Variants in SGCZ observed in about 807,000 individuals in gnomAD.
SGCZ encodes sarcoglycan zeta.
Under a neutral mutation model 41.3 loss-of-function variants are expected in SGCZ, and 40 were observed. The ratio of observed to expected loss-of-function variants is 0.97; its 90% CI spans 0.75 to 1.26. SGCZ has a LOEUF of 1.26. SGCZ is among the 50% of genes most tolerant of loss of function. The probability of loss-of-function intolerance (pLI) is 0.00; values close to 1 mark genes in which losing one functional copy is unlikely to be tolerated. For missense variants in SGCZ, 552 were observed against 369.8 expected (o/e 1.49, Z -4.04); for synonymous variants, 206 against 137.5 (o/e 1.50, Z -3.49).
At chr8:14,682,257 T>G (rs555548144) in intron 1 of SGCZ, among the ~76,000 whole-genome samples, 17 of 152,164 alleles carry the variant, frequency 1.1e-4, no homozygotes, top group African/African-American at 4.1e-4. Context: ...GGTTGTACTA[T>G]AGAAAATATT....
chr8:14,843,496 C>A (rs988875980), intron 1 of SGCZ, among the ~76,000 whole-genome samples: 1 of 152,090 alleles, frequency 6.6e-6, no homozygotes, highest in African/African-American at 2.4e-5. Flanking sequence ...GCCTGTTCAT[C>A]ATTGTCTATC....
intron 2 of SGCZ, among the ~76,000 whole-genome samples, chr8:14,471,357 C>T (rs936570078): frequency 1.3e-5 from 2 of 152,062 alleles, no homozygotes; most frequent in African/African-American, 4.8e-5. Context: ...AGAAATAGTA[C>T]TATTGTACTA....
chr8:15,081,809 T>C (rs542175052), intron 1 of SGCZ, among the ~76,000 whole-genome samples: 77 of 152,252 alleles, frequency 5.1e-4, no homozygotes, highest in African/African-American at 1.8e-3. Flanking sequence ...AGGTGTGCTA[T>C]GCAAGCTCAA....
At chr8:14,469,249 T>C (rs1217523633) in intron 2 of SGCZ, among the ~76,000 whole-genome samples, 2 of 152,146 alleles carry the variant, frequency 1.3e-5, no homozygotes, top group Non-Finnish European at 2.9e-5. Context: ...CTCAGCATCA[T>C]TGACATGTTG....
intron 5 of SGCZ, among the ~76,000 whole-genome samples, chr8:14,140,952 T>A (rs1371837374): frequency 1.3e-5 from 2 of 152,284 alleles, no homozygotes; most frequent in South Asian, 2.1e-4. Context: ...CAAAGCAGCA[T>A]GTTACTGGTA....
At chr8:14,810,636 C>T (rs995393144) in intron 1 of SGCZ, among the ~76,000 whole-genome samples, 9 of 152,000 alleles carry the variant, frequency 5.9e-5, no homozygotes, top group Non-Finnish European at 1.3e-4. Flanking sequence ...GGATATTGCA[C>T]TGGAGATGGC....
At position 14,706,683 on chromosome 8, in the gene SGCZ, G is replaced by A. The variant is rs11987672; in HGVS notation, c.40-151757C>T. 1.2e-3 allele frequency among the ~76,000 whole-genome samples: 190 copies of A among 152,226 alleles called. 4 individuals carry two copies. Among genetic ancestry groups the A allele is most frequent in the African/African-American group, 4.4e-3 (182 of 41,572 alleles). On this transcript the variant is annotated intron_variant, in intron 1 of 7. Coordinates refer to ENST00000382080, the MANE Select transcript of SGCZ (RefSeq NM_139167.4). ...CAGGTTGTAGCTAGCAATGGTAGAAGCAAACACACTGATGCGTTAAAATGA... is the reference window on the plus strand; with the variant it reads ...CAGGTTGTAGCTAGCAATGGTAGAAACAAACACACTGATGCGTTAAAATGA...
intron 1 of SGCZ, among the ~76,000 whole-genome samples, chr8:14,555,453 C>T (rs1804006402): frequency 6.6e-6 from 1 of 152,044 alleles, no homozygotes; most frequent in Non-Finnish European, 1.5e-5. Context: ...CTTGGACCTG[C>T]TCCTGCCATA....
chr8:14,445,561 C>T (rs1800407094), intron 2 of SGCZ, among the ~76,000 whole-genome samples: 1 of 152,142 alleles, frequency 6.6e-6, no homozygotes, highest in African/African-American at 2.4e-5. Context: ...CAGCTGCCCT[C>T]TCCACTGAAA....
At chr8:14,388,231 A>G (rs1211913415) in intron 2 of SGCZ, among the ~76,000 whole-genome samples, 5 of 152,122 alleles carry the variant, frequency 3.3e-5, no homozygotes, top group Admixed American at 3.3e-4. Context: ...TCCAAGGACA[A>G]AAAGAGATCA....
chr8:14,377,727 T>C (rs1191412622), intron 2 of SGCZ, among the ~76,000 whole-genome samples: 1 of 150,852 alleles, frequency 6.6e-6, no homozygotes, highest in African/African-American at 2.4e-5. Flanking sequence ...CCCTTTCCTA[T>C]GTCCATGTGA....
intron 1 of SGCZ, among the ~76,000 whole-genome samples, chr8:15,205,592 A>G (rs774652787): frequency 1.1e-4 from 17 of 152,206 alleles, no homozygotes; most frequent in Non-Finnish European, 1.9e-4. Context: ...ATTAATAAAA[A>G]GTCAAAAAAT....
chr8:14,415,684 A>G (rs970616270), intron 2 of SGCZ, among the ~76,000 whole-genome samples: 7 of 152,046 alleles, frequency 4.6e-5, no homozygotes, highest in African/African-American at 1.2e-4. Flanking sequence ...TTAAAGCTGT[A>G]TTTTGTTCGT....
intron 1 of SGCZ, among the ~76,000 whole-genome samples, chr8:15,206,181 T>C (rs578089900): frequency 1.3e-5 from 2 of 152,180 alleles, no homozygotes; most frequent in African/African-American, 4.8e-5. Flanking sequence ...GAACCTAAAA[T>C]AAAAGTTTAA....
chr8:15,022,048 C>T (rs1803271486), intron 1 of SGCZ, among the ~76,000 whole-genome samples: 1 of 152,152 alleles, frequency 6.6e-6, no homozygotes, highest in African/African-American at 2.4e-5. Context: ...TAAACTGGTC[C>T]TTCTGGTACT....
At chr8:14,932,029 T>C (rs2199910) in intron 1 of SGCZ, among the ~76,000 whole-genome samples, 40,541 of 151,772 alleles carry the variant, frequency 0.27, 5,843 homozygotes, top group East Asian at 0.43. Context: ...AAATATAAAG[T>C]ATGTCCATTT....
chr8:14,108,269 G>C lies in SGCZ; in HGVS notation c.548-34C>G. 5.7e-6 allele frequency: 9 copies of C among 1,590,480 alleles called. No homozygotes were observed. The South Asian group carries it at 8.9e-5, about 16-fold the overall frequency. On this transcript the variant is annotated intron_variant, in intron 5 of 7. Coordinates refer to ENST00000382080, the MANE Select transcript of SGCZ (RefSeq NM_139167.4). ...AGCATGAATATAGCAGTCAGTATAA[G>C]CAAGTCCACACAGTGGCTTTCATCT... is the stretch of plus-strand genomic sequence containing the variant.
chr8:14,544,659 G>A (rs1445995885), intron 2 of SGCZ, among the ~76,000 whole-genome samples: 2 of 152,050 alleles, frequency 1.3e-5, no homozygotes, highest in South Asian at 4.2e-4. Flanking sequence ...GAAACCTCAG[G>A]CTTACTAGGG....
At chr8:14,835,264 C>T (rs1468636388) in intron 1 of SGCZ, among the ~76,000 whole-genome samples, 2 of 152,140 alleles carry the variant, frequency 1.3e-5, no homozygotes, top group Non-Finnish European at 1.5e-5. Flanking sequence ...TTTCATCTGT[C>T]ATTTGCGAAC....
Sources: gnomAD v4.1 joint callset for allele counts (sites outside exome capture counted in the v4.1 genomes callset) on GRCh38, gnomAD v4.1.1 for gene constraint, MANE v1.5 for transcripts, NCBI Gene and HGNC (gene_info 2026-07-23, HGNC 2026-07-21) for gene names.